The following STAG1 variants were observed in gnomAD, a reference collection of about 807,000 sequenced individuals.
The protein encoded by STAG1 is cohesin subunit SA-1.
Under a neutral mutation model 170.9 loss-of-function variants are expected in STAG1, and 26 were observed. The observed-to-expected ratio is 0.15, with a 90% CI of 0.11 to 0.21. STAG1 has a LOEUF of 0.21. Ranked by LOEUF, STAG1 falls within the 10% of genes least tolerant of loss-of-function variation. The pLI is 1.00. For synonymous variants in STAG1, 514 were observed against 497.7 expected (o/e 1.03, Z -0.44); for missense variants, 964 against 1,509.5 (o/e 0.64, Z 5.99).
intron 1 of STAG1, among the ~76,000 whole-genome samples, chr3:136,660,145 A>G (rs1030812123): frequency 6.6e-6 from 1 of 152,224 alleles, no homozygotes; most frequent in Non-Finnish European, 1.5e-5. Context: ...AAGACATTCT[A>G]CTATTTTCAG....
chr3:136,530,787 A>C (rs2107927577), intron 6 of STAG1, among the ~76,000 whole-genome samples: 1 of 152,298 alleles, frequency 6.6e-6, no homozygotes, highest in South Asian at 2.1e-4. Context: ...AAGTTTATAG[A>C]AATAAACACC....
At chr3:136,489,171 C>G (rs1312231647) in intron 9 of STAG1, among the ~76,000 whole-genome samples, 1 of 152,140 alleles carries the variant, frequency 6.6e-6, no homozygotes, top group Non-Finnish European at 1.5e-5. Context: ...TGTGGTAACT[C>G]TATTTTACAG....
chr3:136,642,134 T>C lies in STAG1; in HGVS notation c.-83-11153A>G, dbSNP rs1201161203. ...TCCCCCTCCCTACTCCTAGTCAATA[T>C]GGTGTCTATCTCTTGAAGATCAAAA... On this transcript the variant is annotated intron_variant, in intron 1 of 33. Transcript: ENST00000383202. 2.6e-5 allele frequency among the ~76,000 whole-genome samples: 4 copies of C among 152,288 alleles called. 1 individual carries two copies. The highest frequency in any genetic ancestry group is 4.1e-4 in the South Asian group (2 of 4,826).
intron 26 of STAG1, among the ~76,000 whole-genome samples, chr3:136,361,964 C>CT (rs1248618462): frequency 2.6e-5 from 4 of 151,076 alleles, no homozygotes; most frequent in African/African-American, 2.4e-5. Flanking sequence ...TCTTTTCTTT[C>CT]TTTTTTTTGA....
rs1210184509 is a variant in STAG1, at chr3:136,341,454, C to T, written c.3544G>A (p.Val1182Met). Residue 1182 changes from valine (V) to methionine (M), a missense_variant, in exon 31 of 34, where the codon GTG becomes ATG. Val to Met is a conservative substitution (Grantham distance 21, BLOSUM62 1). This residue lies in a region of STAG1 where 59 missense variants were observed against 104.2 expected (regional missense o/e 0.57). Coordinates refer to ENST00000383202, the MANE Select transcript of STAG1 (RefSeq NM_005862.3). ...TGTAACACTTACACAGCATGCCTCA[C>T]TCCAGTTCTCACTTTCATGTAGTTC... Reference protein sequence around the residue: ...GMNYMKVRTGVRHAVRGLMEE... With the variant: ...GMNYMKVRTGMRHAVRGLMEE... 15 of 1,610,562 alleles carry T rather than the reference C, an allele frequency of 9.3e-6. No homozygotes were observed. Among genetic ancestry groups the T allele is most frequent in the Middle Eastern group, 1.7e-4 (1 of 6,054 alleles).
At chr3:136,636,946 T>C (rs995227992) in intron 1 of STAG1, among the ~76,000 whole-genome samples, 2 of 152,052 alleles carry the variant, frequency 1.3e-5, no homozygotes, top group Non-Finnish European at 2.9e-5. Context: ...ACTAGGACAA[T>C]TTAGACATGT....
intron 28 of STAG1, among the ~76,000 whole-genome samples, chr3:136,357,456 A>G (rs1936702326): frequency 6.6e-6 from 1 of 152,228 alleles, no homozygotes; most frequent in Non-Finnish European, 1.5e-5. Flanking sequence ...TGGCTAAACC[A>G]GTGTTTATAC....
chr3:136,357,233 C>T (rs952162953), intron 28 of STAG1, among the ~76,000 whole-genome samples: 3 of 152,118 alleles, frequency 2.0e-5, no homozygotes, highest in Non-Finnish European at 2.9e-5. Flanking sequence ...CAGGTGTGAG[C>T]CACCATGCCC....
At chr3:136,604,684 T>G (rs961990184) in intron 3 of STAG1, among the ~76,000 whole-genome samples, 1 of 152,182 alleles carries the variant, frequency 6.6e-6, no homozygotes, top group Non-Finnish European at 1.5e-5. Context: ...AGAGTCTTGC[T>G]CTGTCGCCCA....
intron 11 of STAG1, among the ~76,000 whole-genome samples, chr3:136,472,762 GCTGTAAAGAAAATTTT>G (rs1553727755): frequency 6.6e-6 from 1 of 152,144 alleles, no homozygotes; most frequent in Non-Finnish European, 1.5e-5. Context: ...TTTATAACAA[GCTGTAAAGAAAATTTT>G]AAGCAGGTAA....
chr3:136,376,893 C>A (rs559482788), intron 23 of STAG1, among the ~76,000 whole-genome samples: 12 of 151,714 alleles, frequency 7.9e-5, no homozygotes, highest in Middle Eastern at 3.4e-3. Context: ...CGGGTTCATG[C>A]GATTCTCCTG....
intron 1 of STAG1, among the ~76,000 whole-genome samples, chr3:136,650,062 C>T (rs186157310): frequency 6.6e-6 from 1 of 151,714 alleles, no homozygotes; most frequent in Non-Finnish European, 1.5e-5. Context: ...CCATCACGCC[C>T]AGCCAAAAAA....
chr3:136,573,212 T>A (rs1480210421), intron 4 of STAG1, among the ~76,000 whole-genome samples: 1 of 151,698 alleles, frequency 6.6e-6, no homozygotes, highest in African/African-American at 2.4e-5. Context: ...AAAAAAAGAA[T>A]TAAACTTCAA....
intron 1 of STAG1, among the ~76,000 whole-genome samples, chr3:136,693,043 T>C (rs1487947273): frequency 6.6e-6 from 1 of 152,232 alleles, no homozygotes; most frequent in Non-Finnish European, 1.5e-5. Flanking sequence ...CAGTGAACTA[T>C]CCAGTTTATC....
intron 22 of STAG1, among the ~76,000 whole-genome samples, chr3:136,392,944 TA>T (rs773542399): frequency 4.5e-4 from 68 of 152,034 alleles, no homozygotes; most frequent in Non-Finnish European, 6.5e-4. Flanking sequence ...TTGTATTTTA[TA>T]ACAAAAAATA....
At chr3:136,686,013 G>A (rs1344513800) in intron 1 of STAG1, among the ~76,000 whole-genome samples, 3 of 152,108 alleles carry the variant, frequency 2.0e-5, no homozygotes, top group Non-Finnish European at 2.9e-5. Context: ...CTCAAGTATT[G>A]GTAAGCTCTG....
intron 22 of STAG1, among the ~76,000 whole-genome samples, chr3:136,383,505 A>G (rs568858454): frequency 1.1e-4 from 16 of 152,310 alleles, no homozygotes; most frequent in Non-Finnish European, 1.9e-4. Context: ...TGCTTAACTT[A>G]CTTCATTTTA....
At chr3:136,623,007 G>GA (rs1320489350) in intron 3 of STAG1, 139 bp downstream of exon 3, 14 of 652,388 alleles carry the variant, frequency 2.1e-5, no homozygotes, top group African/African-American at 7.4e-5. Flanking sequence ...CAATTTATGT[G>GA]AAAAAAAGTT....
chr3:136,518,972 C>T (rs1057234635), intron 7 of STAG1, among the ~76,000 whole-genome samples: 5 of 151,604 alleles, frequency 3.3e-5, no homozygotes, highest in African/African-American at 1.2e-4. Flanking sequence ...TAAACATACA[C>T]AAGATTAGCA....
Sources: gnomAD v4.1 joint callset for allele counts (sites outside exome capture counted in the v4.1 genomes callset) on GRCh38, gnomAD v4.1.1 for gene constraint, gnomAD v4.1.1 regional missense constraint, MANE v1.5 for transcripts, NCBI Gene and HGNC (gene_info 2026-07-23, HGNC 2026-07-21) for gene names.